Variants in TRARG1 observed in about 807,000 individuals in gnomAD.
The protein encoded by TRARG1 is trafficking regulator of GLUT4 1.
Under a neutral mutation model 13.3 loss-of-function variants are expected in TRARG1, and 16 were observed. The ratio of observed to expected loss-of-function variants is 1.20; its 90% confidence interval spans 0.81 to 1.83. TRARG1 has a LOEUF of 1.83. Among genes scored for constraint, TRARG1 ranks in the 40% most tolerant of loss-of-function variants. The pLI, the probability that TRARG1 is intolerant of heterozygous loss-of-function variation, is 0.00. For synonymous variants in TRARG1, 113 were observed against 106.2 expected, an observed-to-expected ratio of 1.06 and a Z score of -0.39; for missense variants, 250 against 237.4, an observed-to-expected ratio of 1.05 and a Z score of -0.35.
intron 1 of TRARG1, among the ~76,000 whole-genome samples, 182 bp downstream of exon 1, chr17:1,280,570 G>A (rs182170816): frequency 8.5e-5 from 13 of 152,250 alleles, no homozygotes; most frequent in African/African-American, 3.1e-4. Context: ...CCCCGGGGCT[G>A]GAAGAGCTCC....
intron 2 of TRARG1, 33 bp from the exon 3 acceptor site, chr17:1,298,218 C>G (rs373947442): frequency 3.7e-5 from 59 of 1,613,546 alleles, no homozygotes; most frequent in Non-Finnish European, 4.8e-5. Flanking sequence ...GTTCTGAGCC[C>G]TGTTCTGCCA....
chr17:1,288,223 C>G (rs1054506342), intron 1 of TRARG1, among the ~76,000 whole-genome samples: 1 of 151,850 alleles, frequency 6.6e-6, no homozygotes, highest in Non-Finnish European at 1.5e-5. Context: ...GCTGTCTGAG[C>G]TTCATCCCCC....
intron 2 of TRARG1, among the ~76,000 whole-genome samples, chr17:1,297,028 G>A (rs1367078355): frequency 2.0e-5 from 3 of 152,140 alleles, no homozygotes; most frequent in African/African-American, 7.2e-5. Flanking sequence ...GGTCATCCGG[G>A]TCTGAACTGC....
chr17:1,282,181 CGTATATGTACGTGTACACG>C (rs1567928083), intron 1 of TRARG1, among the ~76,000 whole-genome samples: 1 of 141,404 alleles, frequency 7.1e-6, no homozygotes, highest in African/African-American at 2.9e-5. Flanking sequence ...TATACACGTG[CGTATATGTACGTGTACACG>C]TGCGTATATG....
chr17:1,291,702 A>C (rs968626450), intron 1 of TRARG1, among the ~76,000 whole-genome samples: 1 of 152,130 alleles, frequency 6.6e-6, no homozygotes, highest in Non-Finnish European at 1.5e-5. Context: ...AAAGAGTGCC[A>C]GCGTTGTTTA....
At position 1,279,955 on chromosome 17, in the gene TRARG1, C is replaced by A; in HGVS notation, c.-47C>A. On this transcript the variant is annotated 5_prime_UTR_variant, in exon 1 of 3. Coordinates refer to ENST00000333813, the MANE Select transcript of TRARG1 (RefSeq NM_172367.3). ...ATGGCGCGCTGAGGTCCCTCCAGAG[C>A]CCCTTGTCCCAGCCTGGAGCTGCAG... The A allele has an allele frequency of 3.2e-6, 5 of 1,565,362 alleles. No individual in the cohort carries two copies. The South Asian group carries it at 4.8e-5, about 15-fold the overall frequency.
At chr17:1,290,872 C>T (rs946476845) in intron 1 of TRARG1, among the ~76,000 whole-genome samples, 5 of 150,192 alleles carry the variant, frequency 3.3e-5, no homozygotes, top group African/African-American at 1.2e-4. Flanking sequence ...GCTGCTCTCG[C>T]GATAATGAGT....
chr17:1,293,395 G>A (rs973775505), intron 1 of TRARG1, among the ~76,000 whole-genome samples: 5 of 152,172 alleles, frequency 3.3e-5, no homozygotes, highest in African/African-American at 1.2e-4. Context: ...AGGAGGAGGA[G>A]GAGAGGTACA....
Position 1,287,846 on chromosome 17 carries a change from T to C in TRARG1, c.387+7458T>C, listed in dbSNP as rs544527588. 2.6e-5 allele frequency among the ~76,000 whole-genome samples: 4 copies of C among 151,918 alleles called. No homozygotes were observed. The South Asian group carries it at 8.3e-4, about 32-fold the overall frequency. The stretch of plus-strand genomic sequence containing the variant: ...ATTTGTATTTTTAGTAGAGACAAGG[T>C]TTCACCATGTTGGTCAGGCTGGTCT... On this transcript the variant is annotated intron_variant, in intron 1 of 2. Transcript: ENST00000333813.
At chr17:1,286,903 G>A (rs955195591) in intron 1 of TRARG1, among the ~76,000 whole-genome samples, 1 of 151,898 alleles carries the variant, frequency 6.6e-6, no homozygotes, top group African/African-American at 2.4e-5. Context: ...ATTTGCTCCA[G>A]CTGTAGGTGT....
intron 1 of TRARG1, among the ~76,000 whole-genome samples, chr17:1,282,353 T>C (rs1423701870): frequency 6.6e-6 from 1 of 151,454 alleles, no homozygotes; most frequent in Non-Finnish European, 1.5e-5. Flanking sequence ...CATATGCGTA[T>C]ATATGTATAT....
intron 1 of TRARG1, among the ~76,000 whole-genome samples, chr17:1,294,788 C>A (rs991566270): frequency 6.6e-6 from 1 of 151,604 alleles, no homozygotes; most frequent in Non-Finnish European, 1.5e-5. Context: ...TGGGTTCAAG[C>A]GATTCTCCTG....
chr17:1,284,803 C>T (rs988221283), intron 1 of TRARG1, among the ~76,000 whole-genome samples: 1 of 152,080 alleles, frequency 6.6e-6, no homozygotes, highest in Non-Finnish European at 1.5e-5. Flanking sequence ...GCCTCAGCCT[C>T]CTGAGTAGCT....
chr17:1,295,537 T>C lies in TRARG1; in HGVS notation c.434T>C (p.Leu145Pro). 6.2e-7 allele frequency: 1 copy of C among 1,613,086 alleles called. No individual in the cohort carries two copies. The highest frequency in any genetic ancestry group is 2.2e-5 in the East Asian group (1 of 44,852). The change falls in exon 2 of 3, where the codon CTG becomes CCG. Residue 145 changes from leucine (L) to proline (P), a missense_variant. Leu to Pro is a moderately conservative substitution (Grantham distance 98). Coordinates refer to ENST00000333813, the MANE Select transcript of TRARG1 (RefSeq NM_172367.3). ...QQGNVDGARR[L>P]GRLARLLSIT... ...GGCAACGTGGACGGCGCCCGGAGGCTGGGCCGCCTGGCTCGGCTGCTCAGC... is the reference window on the plus strand; with the variant it reads ...GGCAACGTGGACGGCGCCCGGAGGCCGGGCCGCCTGGCTCGGCTGCTCAGC...
intron 2 of TRARG1, 68 bp downstream of exon 2, chr17:1,295,691 C>A (rs2150812400): frequency 1.3e-6 from 2 of 1,505,304 alleles, no homozygotes; most frequent in Non-Finnish European, 1.8e-6. Context: ...AAGGGTGTAC[C>A]CAGCCTCAGG....
At chr17:1,281,905 C>T (rs1461664688) in intron 1 of TRARG1, among the ~76,000 whole-genome samples, 1 of 151,866 alleles carries the variant, frequency 6.6e-6, no homozygotes, top group Admixed American at 6.6e-5. Flanking sequence ...AGAACCTGCC[C>T]CAGTGAGTTT....
In TRARG1 at chr17:1,298,760, G is replaced by C. The variant is rs578042333; in HGVS notation, c.*496G>C. ...ACTGTTTGCATGCTTCGTGCCACAC[G>C]CCCGCGGTGATCCCAGCCAGGGCCC... On this transcript the variant is annotated 3_prime_UTR_variant, in exon 3 of 3. Coordinates refer to ENST00000333813, the MANE Select transcript of TRARG1 (RefSeq NM_172367.3). The C allele has an allele frequency of 6.4e-6, 1 of 155,792 alleles. No homozygotes were observed. Among genetic ancestry groups the C allele is most frequent in the Non-Finnish European group, 1.4e-5 (1 of 70,550 alleles). 9.7% of individuals were successfully genotyped at this position (155,792 alleles called of 1,614,324 possible).
intron 1 of TRARG1, among the ~76,000 whole-genome samples, chr17:1,292,134 C>G (rs2072073588): frequency 6.6e-6 from 1 of 152,096 alleles, no homozygotes; most frequent in African/African-American, 2.4e-5. Flanking sequence ...CGCCATTGCA[C>G]TACAGCCTGG....
chr17:1,281,318 G>C (rs73285315), intron 1 of TRARG1, among the ~76,000 whole-genome samples: 1,848 of 152,224 alleles, frequency 0.012, 48 homozygotes, highest in African/African-American at 0.042. Flanking sequence ...TGAGGTCAGG[G>C]GCAGGGGGTA....
Sources: gnomAD v4.1 joint callset for allele counts (sites outside exome capture counted in the v4.1 genomes callset) on GRCh38, gnomAD v4.1.1 for gene constraint, MANE v1.5 for transcripts, NCBI Gene and HGNC (gene_info 2026-07-23, HGNC 2026-07-21) for gene names.